The following OR56A3 variants were observed in gnomAD, a reference collection of about 807,000 sequenced individuals.
The protein encoded by OR56A3 is olfactory receptor 56A3.
OR56A3 carries 23 observed loss-of-function variants against 17.5 expected under a neutral mutation model. The ratio of observed to expected loss-of-function variants is 1.32; its 90% CI spans 0.95 to 1.87. OR56A3 has a LOEUF of 1.87. Among genes scored for constraint, OR56A3 ranks in the 40% most tolerant of loss-of-function variants. The probability of loss-of-function intolerance (pLI) is 0.00; values close to 1 mark genes in which losing one functional copy is unlikely to be tolerated. For missense variants in OR56A3, 366 were observed against 380.1 expected (o/e 0.96, Z 0.31); for synonymous variants, 175 against 150.6 (o/e 1.16, Z -1.19).
the OR56A3 span, among the ~76,000 whole-genome samples, chr11:5,979,119 AT>A: frequency 0.032 from 4,458 of 139,306 alleles, 50 homozygotes; most frequent in Middle Eastern, 0.051. Context: ...GTTAGCTAGT[AT>A]TTTTTTTTTT....
chr11:6,005,863 C>T, the OR56A3 span, among the ~76,000 whole-genome samples: 2 of 152,126 alleles, frequency 1.3e-5, no homozygotes. Flanking sequence ...ATACCATCAT[C>T]TTGGAGGTGG....
chr11:5,960,405 G>T, the OR56A3 span, among the ~76,000 whole-genome samples: 1 of 152,308 alleles, frequency 6.6e-6, no homozygotes, highest in East Asian at 1.9e-4. Context: ...GATTGCAGGC[G>T]CGCACCGCCA....
At chr11:5,977,194 T>A in the OR56A3 span, among the ~76,000 whole-genome samples, 3 of 152,224 alleles carry the variant, frequency 2.0e-5, no homozygotes, top group Admixed American at 1.3e-4. Context: ...TGTATCTTCA[T>A]CGTAGAACTA....
At chr11:5,957,107 A>G in the OR56A3 span, among the ~76,000 whole-genome samples, 1 of 152,156 alleles carries the variant, frequency 6.6e-6, no homozygotes, top group South Asian at 2.1e-4. Flanking sequence ...CTGAGATCGC[A>G]CAATTCCATT....
chr11:5,977,707 T>C, the OR56A3 span, among the ~76,000 whole-genome samples: 1 of 152,238 alleles, frequency 6.6e-6, no homozygotes, highest in South Asian at 2.1e-4. Flanking sequence ...TGCAAAGTTC[T>C]TTTGTTTAAC....
the OR56A3 span, among the ~76,000 whole-genome samples, chr11:6,012,014 C>T: frequency 0.68 from 103,349 of 152,100 alleles, 35,432 homozygotes; most frequent in East Asian, 0.94. Flanking sequence ...GTCACAGCCC[C>T]GGCTCAGGGA....
chr11:6,016,145 C>T, the OR56A3 span, among the ~76,000 whole-genome samples: 2 of 152,144 alleles, frequency 1.3e-5, no homozygotes, highest in East Asian at 3.9e-4. Context: ...TAAATATTAT[C>T]ATGAGATATG....
chr11:5,961,252 T>C, the OR56A3 span, among the ~76,000 whole-genome samples: 1 of 152,190 alleles, frequency 6.6e-6, no homozygotes. Flanking sequence ...CTGGGAGGTG[T>C]ACCCAACAGC....
the OR56A3 span, among the ~76,000 whole-genome samples, chr11:5,983,518 C>T: frequency 6.6e-6 from 1 of 151,898 alleles, no homozygotes; most frequent in African/African-American, 2.4e-5. Context: ...TCTAAACCCC[C>T]ATGTGACATT....
At chr11:6,012,268 G>C in the OR56A3 span, among the ~76,000 whole-genome samples, 381 of 152,360 alleles carry the variant, frequency 2.5e-3, no homozygotes, top group Non-Finnish European at 3.3e-3. Flanking sequence ...GAAGTGGGCA[G>C]TTCCTTTCTG....
the OR56A3 span, among the ~76,000 whole-genome samples, chr11:5,997,714 A>C: frequency 6.6e-6 from 1 of 152,224 alleles, no homozygotes; most frequent in Non-Finnish European, 1.5e-5. Context: ...TAGGAGAGAG[A>C]GAGCTTCATT....
At chr11:6,011,204 T>TATACATA in the OR56A3 span, among the ~76,000 whole-genome samples, 621 of 122,520 alleles carry the variant, frequency 5.1e-3, 9 homozygotes, top group African/African-American at 0.014. Context: ...GAGATTTATT[T>TATACATA]TATATATATA....
the OR56A3 span, among the ~76,000 whole-genome samples, chr11:5,991,386 C>T: frequency 6.6e-6 from 1 of 152,288 alleles, no homozygotes; most frequent in Admixed American, 6.5e-5. Context: ...CCCTTTCCCC[C>T]ACTGTCATAG....
At position 5,949,175 on chromosome 11, in the gene OR56A3, C is replaced by T. The variant is rs1417612802; in HGVS notation, c.*881C>T. 1 of 152,194 alleles carries T rather than the reference C, an allele frequency of 6.6e-6. No homozygotes were observed. The highest frequency in any genetic ancestry group is 2.4e-5 in the African/African-American group (1 of 41,440). 9.4% of individuals were successfully genotyped at this position (152,194 alleles called of 1,614,324 possible). The stretch of plus-strand genomic sequence containing the variant: ...ATTAATTGGACAGCTTCTAAGCACA[C>T]ATGGTGTCCTGTGAATTATGTTAGC... On this transcript the variant is annotated 3_prime_UTR_variant, in exon 3 of 3. Coordinates refer to ENST00000641160, the MANE Select transcript of OR56A3 (RefSeq NM_001003443.3).
chr11:5,972,544 G>A, the OR56A3 span, among the ~76,000 whole-genome samples: 1 of 152,056 alleles, frequency 6.6e-6, no homozygotes, highest in African/African-American at 2.4e-5. Flanking sequence ...GACTGCTTCC[G>A]AATCTAGAGG....
At chr11:6,021,225 G>A in the OR56A3 span, 1 of 151,998 alleles carries the variant, frequency 6.6e-6, no homozygotes, top group Non-Finnish European at 1.5e-5. Flanking sequence ...TATTGCCAAA[G>A]AAACATGAAC....
the OR56A3 span, chr11:6,019,556 TG>T: frequency 6.6e-6 from 1 of 152,068 alleles, no homozygotes; most frequent in South Asian, 2.1e-4. Flanking sequence ...GCATGGGTGG[TG>T]GGAGGAAAAG....
chr11:5,987,604 G>T, the OR56A3 span, among the ~76,000 whole-genome samples: 1 of 151,890 alleles, frequency 6.6e-6, no homozygotes, highest in African/African-American at 2.4e-5. Context: ...TCCCAAATTT[G>T]TTCTACTTAT....
At chr11:5,967,909 T>C in the OR56A3 span, 17 of 1,591,748 alleles carry the variant, frequency 1.1e-5, no homozygotes, top group Non-Finnish European at 1.4e-5. Flanking sequence ...TGATTCAAGG[T>C]GATGTCATCA....
Sources: gnomAD v4.1 joint callset for allele counts (sites outside exome capture counted in the v4.1 genomes callset) on GRCh38, gnomAD v4.1.1 for gene constraint, MANE v1.5 for transcripts, NCBI Gene and HGNC (gene_info 2026-07-23, HGNC 2026-07-21) for gene names.